NREP: variants seen among roughly 807,000 people sequenced by gnomAD.
The protein encoded by NREP is neuronal regeneration related protein.
In NREP, 5 loss-of-function variants were observed where a neutral mutation model predicts 8.6. The observed-to-expected ratio is 0.58, with a 90% CI of 0.30 to 1.22. NREP has a LOEUF of 1.22. NREP is among the 50% of genes most tolerant of loss of function. The pLI is 0.07. For synonymous variants in NREP, 27 were observed against 28.0 expected (o/e 0.96, Z 0.11); for missense variants, 86 against 82.5 (o/e 1.04, Z -0.17).
intron 2 of NREP, among the ~76,000 whole-genome samples, chr5:111,888,162 T>C (rs1754306728): frequency 6.6e-6 from 1 of 152,232 alleles, no homozygotes; most frequent in South Asian, 2.1e-4. Context: ...GAAGTCAGTC[T>C]CTTATCTTTT....
chr5:111,894,050 T>A (rs1190184360), intron 2 of NREP, among the ~76,000 whole-genome samples: 1 of 151,902 alleles, frequency 6.6e-6, no homozygotes, highest in African/African-American at 2.4e-5. Context: ...AAACCCCATC[T>A]GTACTAAAAA....
chr5:111,827,572 C>T (rs1479444659), intron 2 of NREP, among the ~76,000 whole-genome samples: 4 of 152,104 alleles, frequency 2.6e-5, no homozygotes, highest in Non-Finnish European at 2.9e-5. Context: ...TGCTCTAGGC[C>T]GGGTGTGGGG....
At chr5:111,974,489 T>G (rs552651895) in intron 2 of NREP, 1 of 152,294 alleles carries the variant, frequency 6.6e-6, no homozygotes, top group Non-Finnish European at 1.5e-5. Context: ...TTCAAGTCAG[T>G]TGAAGAAAAT....
intron 2 of NREP, among the ~76,000 whole-genome samples, chr5:111,968,795 G>A (rs745871979): frequency 6.6e-6 from 1 of 152,068 alleles, no homozygotes; most frequent in Non-Finnish European, 1.5e-5. Flanking sequence ...TATCACACTT[G>A]GATGCAATTA....
intron 2 of NREP, among the ~76,000 whole-genome samples, chr5:111,782,507 C>G (rs1232323045): frequency 6.6e-6 from 1 of 152,142 alleles, no homozygotes; most frequent in African/African-American, 2.4e-5. Flanking sequence ...TAGACTCTTA[C>G]ATTTTGGGTA....
intron 2 of NREP, among the ~76,000 whole-genome samples, chr5:111,945,424 C>T (rs1485356407): frequency 7.0e-6 from 1 of 143,050 alleles, no homozygotes; most frequent in Non-Finnish European, 1.5e-5. Flanking sequence ...TAATGCTATC[C>T]CTCACCCCTC....
chr5:111,874,272 T>C lies in NREP; in HGVS notation c.135+101002A>G, dbSNP rs1044953306. Among the ~76,000 whole-genome samples the C allele has an allele frequency of 2.6e-5, 4 of 152,182 alleles. 1 individual carries two copies. The highest frequency in any genetic ancestry group is 9.7e-5 in the African/African-American group (4 of 41,446). ...AAATGAATCACTTGTATTAACACTG[T>C]ATGTGTGCTCTATGGTAAAACTAAG... On this transcript the variant is annotated intron_variant, in intron 2 of 3. Coordinates refer to the NREP transcript ENST00000395634.
chr5:111,911,840 C>CTA (rs1302632371), intron 2 of NREP, among the ~76,000 whole-genome samples: 1 of 152,062 alleles, frequency 6.6e-6, no homozygotes, highest in Non-Finnish European at 1.5e-5. Flanking sequence ...CATTGCCTAC[C>CTA]TACTATGTAC....
intron 2 of NREP, among the ~76,000 whole-genome samples, chr5:111,876,201 C>T (rs1436285781): frequency 6.6e-6 from 1 of 152,204 alleles, no homozygotes; most frequent in Non-Finnish European, 1.5e-5. Context: ...CCCATGCATG[C>T]TTCTAGCTTC....
chr5:111,756,436 G>C (rs1054959742), intron 1 of NREP, among the ~76,000 whole-genome samples: 3 of 151,720 alleles, frequency 2.0e-5, no homozygotes, highest in South Asian at 4.2e-4. Flanking sequence ...TATATTATCA[G>C]AAGACCGCTC....
intron 2 of NREP, among the ~76,000 whole-genome samples, chr5:111,894,536 A>T (rs549395130): frequency 1.1e-4 from 17 of 152,000 alleles, no homozygotes; most frequent in Admixed American, 2.0e-4. Context: ...TCTAAATTTG[A>T]TCTCTCGAGT....
intron 2 of NREP, among the ~76,000 whole-genome samples, chr5:111,778,022 T>C (rs1751405143): frequency 1.3e-5 from 2 of 152,170 alleles, no homozygotes; most frequent in South Asian, 4.1e-4. Flanking sequence ...CTGTTTTGCC[T>C]GTACGTAGAA....
At chr5:111,876,172 C>A (rs1753904178) in intron 2 of NREP, among the ~76,000 whole-genome samples, 2 of 152,172 alleles carry the variant, frequency 1.3e-5, no homozygotes, top group African/African-American at 2.4e-5. Context: ...ACTGGCACAG[C>A]TGCTGGCATT....
At chr5:111,945,179 C>T (rs1755941857) in intron 2 of NREP, among the ~76,000 whole-genome samples, 1 of 151,996 alleles carries the variant, frequency 6.6e-6, no homozygotes, top group Non-Finnish European at 1.5e-5. Flanking sequence ...ATGCTATTTC[C>T]AAAATTTAAA....
At chr5:111,913,434 C>T (rs887264508) in intron 2 of NREP, among the ~76,000 whole-genome samples, 1 of 151,948 alleles carries the variant, frequency 6.6e-6, no homozygotes, top group African/African-American at 2.4e-5. Context: ...AAAAGAATGA[C>T]CTTGAATAAA....
At chr5:111,975,184 A>G (rs1756926905) in intron 2 of NREP, 3 of 832,652 alleles carry the variant, frequency 3.6e-6, no homozygotes, top group Non-Finnish European at 5.9e-6. Flanking sequence ...TGACTGCACC[A>G]GTTCAGGAAT....
At chr5:111,769,167 G>A (rs1751157517) in intron 2 of NREP, among the ~76,000 whole-genome samples, 1 of 152,128 alleles carries the variant, frequency 6.6e-6, no homozygotes. Context: ...TACCTTTGGT[G>A]TGAAGCTTCC....
intron 2 of NREP, among the ~76,000 whole-genome samples, chr5:111,884,039 GT>G (rs1348162197): frequency 2.6e-4 from 40 of 152,178 alleles, no homozygotes; most frequent in Middle Eastern, 3.4e-3. Context: ...CCAGGAGCTG[GT>G]TTTTTGAAAG....
intron 2 of NREP, among the ~76,000 whole-genome samples, chr5:111,954,043 T>C (rs1433670376): frequency 6.6e-6 from 1 of 152,116 alleles, no homozygotes; most frequent in Non-Finnish European, 1.5e-5. Flanking sequence ...TCTGCAAATC[T>C]AACTTGAGGT....
Sources: allele counts gnomAD v4.1 joint callset (sites outside exome capture counted in the v4.1 genomes callset), GRCh38; gene constraint gnomAD v4.1.1; transcripts MANE v1.5; gene names NCBI Gene and HGNC (gene_info 2026-07-23, HGNC 2026-07-21).